Variants in COL5A1 observed in about 807,000 individuals in gnomAD.
The protein encoded by COL5A1 is collagen alpha-1(V) chain.
In COL5A1, 16 loss-of-function variants were observed where a neutral mutation model predicts 263.7. The observed-to-expected ratio is 0.06, with a 90% CI of 0.04 to 0.09. The LOEUF (loss-of-function observed/expected upper bound fraction) is 0.09. COL5A1 is among the 10% of genes least tolerant of loss of function. COL5A1 has a pLI of 1.00. For synonymous variants in COL5A1, 1,012 were observed against 1,004.5 expected, an observed-to-expected ratio of 1.01 and a Z score of -0.14; for missense variants, 2,036 against 2,540.5, an observed-to-expected ratio of 0.80 and a Z score of 4.27.
In COL5A1 at chr9:134,813,985, C is replaced by G. The variant is rs139544503; in HGVS notation, c.3855C>G (p.Gly1285=). Residue 1285 remains glycine (G), a splice_region_variant and synonymous_variant, in exon 49 of 66, where the codon GGC becomes GGG. Coordinates refer to ENST00000371817, the MANE Select transcript of COL5A1 (RefSeq NM_000093.5). ...AACCACATGCACTGTCTCCCTAGGG[C>G]GAGCCTGGCGAAGCAGGTGAGCCTG... ...IGNPGAVGEK[G]EPGEAGEPGL... 1.3e-6 allele frequency: 2 copies of G among 1,550,990 alleles called. No individual in the cohort carries two copies. Among genetic ancestry groups the G allele is most frequent in the Admixed American group, 3.9e-5 (2 of 51,054 alleles).
intron 4 of COL5A1, among the ~76,000 whole-genome samples, chr9:134,704,403 A>G (rs1346366460): frequency 6.6e-6 from 1 of 152,206 alleles, no homozygotes; most frequent in African/African-American, 2.4e-5. Context: ...CAAAGGATGA[A>G]GGTAACGTGT....
chr9:134,760,650 T>C (rs1392026241), intron 18 of COL5A1, among the ~76,000 whole-genome samples: 3 of 45,660 alleles, frequency 6.6e-5, no homozygotes, highest in Non-Finnish European at 1.1e-4. Flanking sequence ...CATACACTCA[T>C]GCACACACAC....
chr9:134,808,055 A>G (rs1428763389), intron 42 of COL5A1, among the ~76,000 whole-genome samples: 1 of 152,140 alleles, frequency 6.6e-6, no homozygotes, highest in African/African-American at 2.4e-5. Context: ...AAAGCCCCAC[A>G]CGTGGTCTTT....
At chr9:134,646,533 G>A (rs934549123) in intron 1 of COL5A1, among the ~76,000 whole-genome samples, 1 of 152,166 alleles carries the variant, frequency 6.6e-6, no homozygotes, top group African/African-American at 2.4e-5. Context: ...CCTCATTCAC[G>A]GGCTTGGCAG....
At chr9:134,744,644 T>G (rs1009266427) in intron 11 of COL5A1, among the ~76,000 whole-genome samples, 1 of 145,784 alleles carries the variant, frequency 6.9e-6, no homozygotes, top group African/African-American at 2.6e-5. Flanking sequence ...CACCCAGACA[T>G]GCACACAGGT....
At chr9:134,748,024 TTCATACACATGCAGACACATGC>T (rs1835623645) in intron 11 of COL5A1, among the ~76,000 whole-genome samples, 1 of 106,082 alleles carries the variant, frequency 9.4e-6, no homozygotes, top group Non-Finnish European at 2.1e-5. Context: ...CACACATGCA[TTCATACACATGCAGACACATGC>T]ACACATGCAT....
At chr9:134,790,351 AACCCATCC>A (rs1837627630) in intron 32 of COL5A1, among the ~76,000 whole-genome samples, 2 of 56,944 alleles carry the variant, frequency 3.5e-5, no homozygotes, top group African/African-American at 1.4e-4. Context: ...CCCACCCACC[AACCCATCC>A]ACCCATCCAT....
chr9:134,726,706 G>A (rs953718985), intron 4 of COL5A1, among the ~76,000 whole-genome samples: 1 of 151,084 alleles, frequency 6.6e-6, no homozygotes. Context: ...ACTGGTAGAT[G>A]TAGATGGATA....
At chr9:134,762,311 T>G (rs1836482382) in intron 19 of COL5A1, among the ~76,000 whole-genome samples, 1 of 152,184 alleles carries the variant, frequency 6.6e-6, no homozygotes, top group Admixed American at 6.5e-5. Flanking sequence ...TTTACTGAGC[T>G]CAGCGTCTCT....
At position 134,812,861 on chromosome 9, in the gene COL5A1, C is replaced by G. The variant is rs1294467052; in HGVS notation, c.3852+149C>G. On this transcript the variant is annotated intron_variant, in intron 48 of 65. Transcript: ENST00000371817. ...ACGTGTGTGTACCTCTCTGTGTGTA[C>G]ACAGAGATGAGAAGTACTCATTTCT... 2.1e-5 allele frequency: 15 copies of G among 705,870 alleles called. No homozygotes were observed. The East Asian group carries it at 2.4e-4, about 11-fold the overall frequency. 43.7% of individuals were successfully genotyped at this position (705,870 alleles called of 1,614,324 possible).
intron 7 of COL5A1, among the ~76,000 whole-genome samples, chr9:134,730,686 C>G (rs192593725): frequency 6.8e-4 from 104 of 152,324 alleles, no homozygotes; most frequent in Middle Eastern, 3.4e-3. Flanking sequence ...GTTTGGAATC[C>G]CTGGTTTGCT....
Position 134,732,361 on chromosome 9 carries a change from G to C in COL5A1, c.1389+234G>C, listed in dbSNP as rs551747194. The C allele has an allele frequency of 3.9e-5, 24 of 620,688 alleles. No homozygotes were observed. The African/African-American group carries it at 4.0e-4, about 10-fold the overall frequency. 38.4% of individuals were successfully genotyped at this position (620,688 alleles called of 1,614,324 possible). Reference sequence around the variant, plus strand: ...TGATGGAGGGGGCGGGATAGGTGCTGATCAAAGCCGGTCCTGCACCCAAGC... The same window carrying C: ...TGATGGAGGGGGCGGGATAGGTGCTCATCAAAGCCGGTCCTGCACCCAAGC... On this transcript the variant is annotated intron_variant, in intron 9 of 65. Coordinates refer to ENST00000371817, the MANE Select transcript of COL5A1 (RefSeq NM_000093.5).
At chr9:134,830,206 G>T (rs773594235) in intron 64 of COL5A1, 162 bp downstream of exon 64, 1 of 1,590,822 alleles carries the variant, frequency 6.3e-7, no homozygotes, top group African/African-American at 1.3e-5. Context: ...CGGCCACCTC[G>T]GCACTGCCTG....
rs751276081 is a variant in COL5A1 at position 134,696,060 on chromosome 9, C to T, written c.278-3849C>T. ...GCCAGGGTCCAGCTGAAACCTCAGC[C>T]GCCCCCCAGGTTCCTGGCCCCCTGT... On this transcript the variant is annotated intron_variant, in intron 2 of 65. Transcript: ENST00000371817. The surrounding 1 kb of genome is among the most constrained non-coding windows in gnomAD (Gnocchi z 4.3). 1.3e-5 allele frequency among the ~76,000 whole-genome samples: 2 copies of T among 152,174 alleles called. No homozygotes were observed. The highest frequency in any genetic ancestry group is 2.4e-5 in the African/African-American group (1 of 41,438).
At chr9:134,688,628 G>A (rs1184608928) in intron 1 of COL5A1, among the ~76,000 whole-genome samples, 1 of 152,196 alleles carries the variant, frequency 6.6e-6, no homozygotes, top group African/African-American at 2.4e-5. Context: ...AGCCACCCAG[G>A]AAAACAGAGA....
chr9:134,690,762 C>T lies in COL5A1; in HGVS notation c.110-150C>T, dbSNP rs532165484. ...GCGTGGTGCCCTGCCTCGCCCAGCACGCGGCTCTAAGCTGGTCCTGGGGCT... is the reference window on the plus strand; with the variant it reads ...GCGTGGTGCCCTGCCTCGCCCAGCATGCGGCTCTAAGCTGGTCCTGGGGCT... On this transcript the variant is annotated intron_variant, in intron 1 of 65. Coordinates refer to ENST00000371817, the MANE Select transcript of COL5A1 (RefSeq NM_000093.5). The T allele has an allele frequency of 7.0e-5, 65 of 933,820 alleles. No individual in the cohort carries two copies. In the African/African-American group the frequency reaches 7.7e-4, roughly 11 times the overall value. The allele number at this position is 933,820 out of a possible 1,614,324, so 57.8% of individuals were successfully genotyped here.
rs955068180 is a variant in COL5A1, at chr9:134,798,470, C to T, written c.2952+9C>T. ...GACAGAGAGGCGAGACTGTGAGTATCGAGGGTGCTGGGGGACGTGGCTGGC... is the reference window on the plus strand; with the variant it reads ...GACAGAGAGGCGAGACTGTGAGTATTGAGGGTGCTGGGGGACGTGGCTGGC... On this transcript the variant is annotated intron_variant, in intron 37 of 65. Coordinates refer to ENST00000371817, the MANE Select transcript of COL5A1 (RefSeq NM_000093.5). The T allele has an allele frequency of 3.0e-5, 48 of 1,613,930 alleles. No individual in the cohort carries two copies. Among genetic ancestry groups the T allele is most frequent in the South Asian group, 7.7e-5 (7 of 91,078 alleles).
intron 4 of COL5A1, among the ~76,000 whole-genome samples, chr9:134,705,952 G>C (rs868231919): frequency 6.6e-6 from 1 of 152,204 alleles, no homozygotes; most frequent in Admixed American, 6.5e-5. Flanking sequence ...CGAGTGCTCC[G>C]GGGCGCCTCC....
chr9:134,736,098 C>T (rs1016681246), intron 9 of COL5A1, among the ~76,000 whole-genome samples: 3 of 152,336 alleles, frequency 2.0e-5, no homozygotes, highest in Non-Finnish European at 2.9e-5. Context: ...GCCCCCTGGC[C>T]GGGAGTCCCC....
Sources: allele counts gnomAD v4.1 joint callset (sites outside exome capture counted in the v4.1 genomes callset), GRCh38; gene constraint gnomAD v4.1.1; non-coding constraint Gnocchi (gnomAD v3.1); transcripts MANE v1.5; gene names NCBI Gene and HGNC (gene_info 2026-07-23, HGNC 2026-07-21).